WRN: variants seen among roughly 807,000 people sequenced by gnomAD.
WRN encodes bifunctional 3'-5' exonuclease/ATP-dependent helicase WRN.
A neutral mutation model predicts 180.7 loss-of-function variants in WRN; 149 were observed. That is an observed-to-expected ratio of 0.82 (90% CI 0.72 to 0.94). WRN has a LOEUF of 0.94. Among genes scored for constraint, WRN ranks in the 40% least tolerant of loss-of-function variants. The probability of loss-of-function intolerance (pLI) is 0.00; values close to 1 mark genes in which losing one functional copy is unlikely to be tolerated. For missense variants in WRN, 1,661 were observed against 1,700.1 expected (o/e 0.98, Z 0.40); for synonymous variants, 548 against 568.9 (o/e 0.96, Z 0.52).
chr8:31,087,534 T>G, intron 11 of WRN: 1 of 437,562 alleles, frequency 2.3e-6, no homozygotes, highest in Non-Finnish European at 4.2e-6. Context: ...GGGCAGTTTA[T>G]TATATGCTAT....
chr8:31,153,695 A>G (rs1308121649), intron 31 of WRN, among the ~76,000 whole-genome samples: 3 of 152,220 alleles, frequency 2.0e-5, no homozygotes, highest in African/African-American at 7.2e-5. Flanking sequence ...TATAGCATGT[A>G]AAAAGTAAAA....
intron 7 of WRN, among the ~76,000 whole-genome samples, chr8:31,072,012 A>G (rs1233208568): frequency 1.3e-5 from 2 of 152,152 alleles, no homozygotes; most frequent in Non-Finnish European, 2.9e-5. Flanking sequence ...TAAGACAGCA[A>G]AGTGGAGGTG....
At position 31,120,518 on chromosome 8, in the gene WRN, G is replaced by A. The variant is rs1282690343; in HGVS notation, c.2630+94G>A. 1.0e-5 allele frequency: 11 copies of A among 1,048,998 alleles called. 1 individual carries two copies. Among genetic ancestry groups the A allele is most frequent in the South Asian group, 1.6e-5 (1 of 64,378 alleles). 65.0% of individuals were successfully genotyped at this position (1,048,998 alleles called of 1,614,324 possible). ...TTTGAGGCTATTTCCAGTATCCCAA[G>A]TAATTTGTGAGTGCATTTAAAGTAA... On this transcript the variant is annotated intron_variant, in intron 21 of 34. Coordinates refer to ENST00000298139, the MANE Select transcript of WRN (RefSeq NM_000553.6).
intron 7 of WRN, among the ~76,000 whole-genome samples, chr8:31,072,078 T>C (rs1812934511): frequency 6.6e-6 from 1 of 152,012 alleles, no homozygotes; most frequent in South Asian, 2.1e-4. Flanking sequence ...GTTAAGAGAG[T>C]TGGGACTGAG....
intron 21 of WRN, among the ~76,000 whole-genome samples, chr8:31,123,228 G>A (rs181548862): frequency 6.6e-6 from 1 of 152,090 alleles, no homozygotes; most frequent in East Asian, 1.9e-4. Flanking sequence ...GTATCACAGT[G>A]CTTGTGTTCA....
At chr8:31,141,646 A>G (rs780102635) in intron 25 of WRN, 35 bp from the exon 26 acceptor site, 23 of 1,613,860 alleles carry the variant, frequency 1.4e-5, no homozygotes, top group Non-Finnish European at 1.9e-5. Flanking sequence ...TTTGTTTCCC[A>G]CTCCACATTA....
chr8:31,060,497 C>T (rs1297160167), intron 3 of WRN, among the ~76,000 whole-genome samples: 1 of 151,652 alleles, frequency 6.6e-6, no homozygotes, highest in African/African-American at 2.4e-5. Context: ...CTTGATCACA[C>T]CATTGCACTC....
rs550103666 is a variant in WRN, at chr8:31,148,805, G to T, written c.3572+1329G>T. On this transcript the variant is annotated intron_variant, in intron 30 of 34. Transcript: ENST00000298139. ...ATATTTTATTTTTTTGTAATTAGTG[G>T]TAAACAAGTATTATTATATCTTCTA... Among the ~76,000 whole-genome samples the T allele has an allele frequency of 3.4e-3, 510 of 152,178 alleles. 6 individuals carry two copies. The highest frequency in any genetic ancestry group is 0.012 in the African/African-American group (492 of 41,524).
intron 33 of WRN, among the ~76,000 whole-genome samples, chr8:31,165,092 T>G (rs1391385765): frequency 6.6e-6 from 1 of 152,088 alleles, no homozygotes; most frequent in East Asian, 1.9e-4. Flanking sequence ...GCATCATCAT[T>G]TTATGAACAA....
chr8:31,100,442 A>G lies in WRN; in HGVS notation c.1982-407A>G, dbSNP rs1008999674. 2.0e-5 allele frequency among the ~76,000 whole-genome samples: 3 copies of G among 152,162 alleles called. No individual in the cohort carries two copies. The South Asian group carries it at 6.2e-4, about 31-fold the overall frequency. ...CATGGATGGCGATGCAGTTAATTTCAGTAGAAATTTGCTGACTCTTTTTAT... is the reference window on the plus strand; with the variant it reads ...CATGGATGGCGATGCAGTTAATTTCGGTAGAAATTTGCTGACTCTTTTTAT... On this transcript the variant is annotated intron_variant, in intron 17 of 34. Transcript: ENST00000298139.
intron 1 of WRN, among the ~76,000 whole-genome samples, chr8:31,053,148 A>G (rs1228478600): frequency 6.6e-6 from 1 of 152,222 alleles, no homozygotes; most frequent in African/African-American, 2.4e-5. Flanking sequence ...GGAAGACACT[A>G]TTTGCTTGGC....
chr8:31,169,150 G>T (rs750718688), intron 34 of WRN, among the ~76,000 whole-genome samples: 1 of 151,362 alleles, frequency 6.6e-6, no homozygotes. Context: ...TCATTACCCA[G>T]CTTCAATATT....
intron 18 of WRN, among the ~76,000 whole-genome samples, chr8:31,104,630 C>A (rs1323149124): frequency 6.6e-6 from 1 of 152,060 alleles, no homozygotes; most frequent in Admixed American, 6.6e-5. Flanking sequence ...AAAATTGTTA[C>A]AGTTTTATGT....
intron 20 of WRN, among the ~76,000 whole-genome samples, chr8:31,118,857 G>A (rs1801614922): frequency 1.3e-5 from 2 of 151,662 alleles, no homozygotes; most frequent in Non-Finnish European, 2.9e-5. Flanking sequence ...CTTTCAAGAT[G>A]CCTTGAGTCC....
intron 8 of WRN, among the ~76,000 whole-genome samples, chr8:31,079,016 T>C (rs1813201901): frequency 6.6e-6 from 1 of 152,236 alleles, no homozygotes; most frequent in Non-Finnish European, 1.5e-5. Flanking sequence ...ATCACATATC[T>C]GTTCCTACTA....
At chr8:31,052,913 T>C (rs1482828728) in intron 1 of WRN, among the ~76,000 whole-genome samples, 1 of 152,178 alleles carries the variant, frequency 6.6e-6, no homozygotes, top group Non-Finnish European at 1.5e-5. Context: ...ATTTTTTTCC[T>C]GCCTGTTTGG....
At chr8:31,161,545 A>AT (rs1803615305) in intron 33 of WRN, among the ~76,000 whole-genome samples, 1 of 152,156 alleles carries the variant, frequency 6.6e-6, no homozygotes, top group Admixed American at 6.6e-5. Context: ...AGTGTAAAAG[A>AT]TTTTTTAAAA....
intron 1 of WRN, among the ~76,000 whole-genome samples, chr8:31,055,080 C>T (rs117383161): frequency 0.046 from 7,046 of 152,222 alleles, 201 homozygotes; most frequent in South Asian, 0.082. Context: ...CATAGTATTC[C>T]ATTTTATATG....
rs139323683 is a variant in WRN at position 31,147,091 on chromosome 8, C to T, written c.3422C>T (p.Ser1141Leu). 794 of 1,613,848 alleles carry T rather than the reference C, an allele frequency of 4.9e-4. 3 individuals are homozygous for T. Among genetic ancestry groups the T allele is most frequent in the Middle Eastern group, 4.8e-3 (29 of 6,038 alleles). Residue 1141 changes from serine (S) to leucine (L), a missense_variant, in exon 29 of 35, where the codon TCA (serine) becomes TTA (leucine). Transcript: ENST00000298139. ...TCACCAGAAAAAGCTTACAGTTCCT[C>T]ACAGCCTGTTATTTCGGCACAAGAG... ...VQSPEKAYSS[S>L]QPVISAQEQE...
Sources: gnomAD v4.1 joint callset for allele counts (sites outside exome capture counted in the v4.1 genomes callset) on GRCh38, gnomAD v4.1.1 for gene constraint, MANE v1.5 for transcripts, NCBI Gene and HGNC (gene_info 2026-07-23, HGNC 2026-07-21) for gene names.